TAF4B: variants seen among roughly 807,000 people sequenced by gnomAD.
TAF4B encodes transcription initiation factor TFIID subunit 4B.
TAF4B carries 38 observed loss-of-function variants against 86.4 expected under a neutral mutation model. The observed-to-expected ratio is 0.44, with a 90% CI of 0.34 to 0.58. TAF4B has a LOEUF of 0.58. TAF4B is among the 20% of genes least tolerant of loss of function. TAF4B has a pLI of 0.02. For synonymous variants in TAF4B, 388 were observed against 391.2 expected (o/e 0.99, Z 0.10); for missense variants, 988 against 1,027.6 (o/e 0.96, Z 0.53).
At chr18:26,337,302 A>G (rs1047628856) in intron 13 of TAF4B, among the ~76,000 whole-genome samples, 1 of 152,142 alleles carries the variant, frequency 6.6e-6, no homozygotes, top group East Asian at 1.9e-4. Context: ...CCTGCCCCCT[A>G]GAGTTCTTAA....
At chr18:26,285,210 C>CTTTTTTTTTTTTTTTTTTTTTT (rs113394710) in intron 6 of TAF4B, among the ~76,000 whole-genome samples, 5 of 42,544 alleles carry the variant, frequency 1.2e-4, no homozygotes, top group Admixed American at 3.2e-4. Flanking sequence ...TCTTCCTTTC[C>CTTTTTTTTTTTTTTTTTTTTTT]TTTTTTTTTT....
intron 6 of TAF4B, among the ~76,000 whole-genome samples, chr18:26,283,978 C>T (rs1382187099): frequency 4.0e-5 from 6 of 151,710 alleles, no homozygotes; most frequent in South Asian, 4.2e-4. Context: ...TGCTTGAATC[C>T]AGGAGGCAGA....
intron 14 of TAF4B, among the ~76,000 whole-genome samples, chr18:26,379,080 A>G (rs1339954758): frequency 2.6e-5 from 4 of 152,112 alleles, no homozygotes; most frequent in African/African-American, 9.7e-5. Context: ...CTGTTGGATC[A>G]TAGGTGTATA....
intron 13 of TAF4B, among the ~76,000 whole-genome samples, chr18:26,351,577 G>C (rs1177923487): frequency 2.0e-5 from 3 of 152,106 alleles, no homozygotes; most frequent in Non-Finnish European, 4.4e-5. Context: ...TCTGATCACT[G>C]TGTATGTATT....
intron 14 of TAF4B, among the ~76,000 whole-genome samples, chr18:26,364,636 C>T (rs1156872994): frequency 1.3e-5 from 2 of 151,798 alleles, no homozygotes; most frequent in Non-Finnish European, 1.5e-5. Flanking sequence ...GATCCAGCAA[C>T]GTTTTTTTTT....
intron 1 of TAF4B, among the ~76,000 whole-genome samples, chr18:26,240,569 C>T (rs1184293221): frequency 2.0e-5 from 3 of 152,078 alleles, no homozygotes; most frequent in Admixed American, 1.3e-4. Context: ...AATTGAATAC[C>T]CTTTCTTTCT....
chr18:26,274,823 C>T lies in TAF4B; in HGVS notation c.758C>T (p.Pro253Leu), dbSNP rs202073070. 2.8e-5 allele frequency: 46 copies of T among 1,614,132 alleles called. No homozygotes were observed. Among genetic ancestry groups the T allele is most frequent in the African/African-American group, 2.8e-4 (21 of 75,056 alleles). The part of the protein sequence containing the change: ...NSAAVQINLS[P>L]TMLENVKKCK... ...GCAGCTGTTCAGATTAATCTTTCTC[C>T]GGTAAGCTCTTACTTGCACCTTACA... The change falls in exon 4 of 15, where the codon CCG becomes CTG. Residue 253 changes from proline to leucine, a missense_variant and splice_region_variant. This residue lies in a region of TAF4B where 747 missense variants were observed against 737.9 expected (regional missense o/e 1.01). Coordinates refer to ENST00000269142, the MANE Select transcript of TAF4B (RefSeq NM_005640.3).
At chr18:26,289,460 GTTTGT>G (rs892960012) in intron 7 of TAF4B, among the ~76,000 whole-genome samples, 3 of 151,840 alleles carry the variant, frequency 2.0e-5, no homozygotes, top group Non-Finnish European at 4.4e-5. Flanking sequence ...TCTCATTTGC[GTTTGT>G]TTTGTTTGTT....
At chr18:26,269,388 T>C (rs1270124821) in intron 3 of TAF4B, among the ~76,000 whole-genome samples, 1 of 152,076 alleles carries the variant, frequency 6.6e-6, no homozygotes, top group Non-Finnish European at 1.5e-5. Flanking sequence ...ACTCATAGAG[T>C]ATTGCCTCTA....
intron 11 of TAF4B, among the ~76,000 whole-genome samples, chr18:26,324,076 C>A (rs1009880833): frequency 1.3e-5 from 2 of 152,162 alleles, no homozygotes; most frequent in Non-Finnish European, 2.9e-5. Flanking sequence ...ATCTTCTTAG[C>A]AGTTACCATA....
At chr18:26,315,895 G>C (rs2056906069) in intron 10 of TAF4B, among the ~76,000 whole-genome samples, 1 of 152,122 alleles carries the variant, frequency 6.6e-6, no homozygotes, top group Non-Finnish European at 1.5e-5. Context: ...GATAGCTGCA[G>C]TGTGAAAGAA....
intron 14 of TAF4B, among the ~76,000 whole-genome samples, chr18:26,380,268 A>G (rs768086079): frequency 1.3e-5 from 2 of 152,042 alleles, no homozygotes; most frequent in Non-Finnish European, 2.9e-5. Context: ...AACCTTACAC[A>G]TTTCTTTTCT....
chr18:26,298,851 CTTTTTTTT>C (rs56044910), intron 9 of TAF4B, among the ~76,000 whole-genome samples: 1 of 46,542 alleles, frequency 2.1e-5, no homozygotes, highest in Admixed American at 3.5e-4. Flanking sequence ...AGCCTATTGC[CTTTTTTTT>C]TTTTTTTTTT....
At position 26,389,822 on chromosome 18, in the gene TAF4B, G is replaced by A. The variant is rs539836013; in HGVS notation, c.2422-23G>A. On this transcript the variant is annotated intron_variant, in intron 14 of 14. Coordinates refer to ENST00000269142, the MANE Select transcript of TAF4B (RefSeq NM_005640.3). ...TTATGAAAGATTTTTATTTCAAATTGCTTTTCCTTTTATTATTTTTAGGGC... is the reference window on the plus strand; with the variant it reads ...TTATGAAAGATTTTTATTTCAAATTACTTTTCCTTTTATTATTTTTAGGGC... 4.1e-5 allele frequency: 66 copies of A among 1,600,160 alleles called. 2 individuals carry two copies. The South Asian group carries it at 6.8e-4, about 16-fold the overall frequency.
At chr18:26,266,369 C>T (rs894851509) in intron 2 of TAF4B, among the ~76,000 whole-genome samples, 1 of 152,000 alleles carries the variant, frequency 6.6e-6, no homozygotes, top group Admixed American at 6.6e-5. Flanking sequence ...ACCTTGGCCT[C>T]CCAAAGTGCT....
chr18:26,315,192 C>CACACAAA, intron 9 of TAF4B, 37 bp from the exon 10 acceptor site: 4 of 1,333,230 alleles, frequency 3.0e-6, no homozygotes, highest in Non-Finnish European at 4.0e-6. Context: ...CACACACACA[C>CACACAAA]AACCTAAAAT....
chr18:26,338,636 G>A (rs1041576511), intron 13 of TAF4B, among the ~76,000 whole-genome samples: 4 of 151,820 alleles, frequency 2.6e-5, no homozygotes, highest in African/African-American at 9.7e-5. Flanking sequence ...GTGCCACCAT[G>A]CCTGGCTAAT....
intron 14 of TAF4B, among the ~76,000 whole-genome samples, chr18:26,386,962 G>A (rs1978410292): frequency 6.6e-6 from 1 of 152,146 alleles, no homozygotes; most frequent in Non-Finnish European, 1.5e-5. Flanking sequence ...CCAAAGTACT[G>A]ATTTTAGGAA....
chr18:26,242,589 A>C (rs1335486417), intron 1 of TAF4B, among the ~76,000 whole-genome samples: 1 of 152,246 alleles, frequency 6.6e-6, no homozygotes, highest in African/African-American at 2.4e-5. Context: ...TTTACATTTA[A>C]GGTTAATATT....
Sources: allele counts gnomAD v4.1 joint callset (sites outside exome capture counted in the v4.1 genomes callset), GRCh38; gene constraint gnomAD v4.1.1; regional missense constraint gnomAD v4.1.1; transcripts MANE v1.5; gene names NCBI Gene and HGNC (gene_info 2026-07-23, HGNC 2026-07-21).